The following GNAI1 variants were observed in gnomAD, a reference collection of about 807,000 sequenced individuals.
GNAI1 encodes G protein subunit alpha i1, also known as guanine nucleotide-binding protein G(i) subunit alpha-1.
In GNAI1, 11 loss-of-function variants were observed where a neutral mutation model predicts 38.9. The observed-to-expected ratio is 0.28, with a 90% CI of 0.18 to 0.47. The LOEUF (loss-of-function observed/expected upper bound fraction) is 0.47. Ranked by LOEUF, GNAI1 falls within the 20% of genes least tolerant of loss-of-function variation. The probability of loss-of-function intolerance (pLI) is 0.99; values close to 1 mark genes in which losing one functional copy is unlikely to be tolerated. For missense variants in GNAI1, 317 were observed against 436.9 expected (o/e 0.73, Z 2.45); for synonymous variants, 166 against 145.1 (o/e 1.14, Z -1.04).
intron 1 of GNAI1, among the ~76,000 whole-genome samples, chr7:80,150,763 C>A (rs546630690): frequency 5.2e-4 from 79 of 152,298 alleles, no homozygotes; most frequent in African/African-American, 1.8e-3. Flanking sequence ...TAATTCATCT[C>A]AATTTTGGCA....
chr7:80,189,776 AT>A (rs1274758163), intron 3 of GNAI1, among the ~76,000 whole-genome samples: 1 of 152,096 alleles, frequency 6.6e-6, no homozygotes, highest in Non-Finnish European at 1.5e-5. Context: ...TCAATTCTTT[AT>A]TTTGCCAAGA....
chr7:80,177,320 G>T (rs551846185), intron 1 of GNAI1, among the ~76,000 whole-genome samples: 1 of 152,034 alleles, frequency 6.6e-6, no homozygotes, highest in Admixed American at 6.6e-5. Flanking sequence ...ATGAGCCACC[G>T]CGCCCGGCCA....
At chr7:80,208,704 T>G (rs1788821746) in intron 5 of GNAI1, among the ~76,000 whole-genome samples, 1 of 152,164 alleles carries the variant, frequency 6.6e-6, no homozygotes, top group South Asian at 2.1e-4. Flanking sequence ...GCTTAATAGT[T>G]CATTCCTCAG....
At position 80,192,286 on chromosome 7, in the gene GNAI1, A is replaced by G. The variant is rs188291128; in HGVS notation, c.303+3055A>G. On this transcript the variant is annotated intron_variant, in intron 3 of 7. Coordinates refer to ENST00000649796, the MANE Select transcript of GNAI1 (RefSeq NM_002069.6). The stretch of plus-strand genomic sequence containing the variant: ...GAATGTTTGTAGTTTTATTTTTTAT[A>G]TTTATCTCTGTCTCTTCACACACCT... Among the ~76,000 whole-genome samples, 6 of 152,038 alleles carry G rather than the reference A, an allele frequency of 3.9e-5. No homozygotes were observed. In the East Asian group the frequency reaches 7.7e-4, roughly 20 times the overall value.
In GNAI1 at chr7:80,210,951, C is replaced by G. The variant is rs1462537997; in HGVS notation, c.591-18C>G. On this transcript the variant is annotated intron_variant, in intron 5 of 7. Transcript: ENST00000649796. ...TTGAACATTTAATGTGATGTTAACTCATTTCTCCTCTTAACAGAATGTTTG... is the reference window on the plus strand; with the variant it reads ...TTGAACATTTAATGTGATGTTAACTGATTTCTCCTCTTAACAGAATGTTTG... 1 of 1,608,556 alleles carries G rather than the reference C, an allele frequency of 6.2e-7. No individual in the cohort carries two copies. Among genetic ancestry groups the G allele is most frequent in the East Asian group, 2.2e-5 (1 of 44,842 alleles).
chr7:80,156,492 A>G (rs1787821018), intron 1 of GNAI1, among the ~76,000 whole-genome samples: 1 of 151,634 alleles, frequency 6.6e-6, no homozygotes, highest in Non-Finnish European at 1.5e-5. Flanking sequence ...GCAGCGGTGC[A>G]ACCATAGCTC....
intron 5 of GNAI1, among the ~76,000 whole-genome samples, chr7:80,206,830 T>C (rs1374614073): frequency 6.6e-6 from 1 of 152,044 alleles, no homozygotes; most frequent in Non-Finnish European, 1.5e-5. Flanking sequence ...TTCAGCACAG[T>C]AAGAGACTAA....
chr7:80,167,199 A>G (rs901857616), intron 1 of GNAI1, among the ~76,000 whole-genome samples: 3 of 152,228 alleles, frequency 2.0e-5, no homozygotes, highest in African/African-American at 4.8e-5. Flanking sequence ...TGACTAATGG[A>G]CATCCAGACT....
Position 80,134,976 on chromosome 7 carries a change from G to GC in GNAI1, c.-182dup. ...CAGAGCCTGGTCGTGAGGAACAGCC[G>GC]CCCGTTGCTGTCTGCCCCTTTGCGG... is the stretch of plus-strand genomic sequence containing the variant. On this transcript the variant is annotated 5_prime_UTR_variant, in exon 1 of 8. Transcript: ENST00000649796. 2.5e-6 allele frequency: 1 copy of GC among 405,574 alleles called. No homozygotes were observed. Among genetic ancestry groups the GC allele is most frequent in the Non-Finnish European group, 4.3e-6 (1 of 230,230 alleles). The allele number at this position is 405,574 out of a possible 1,614,324, so 25.1% of individuals were successfully genotyped here.
intron 1 of GNAI1, among the ~76,000 whole-genome samples, chr7:80,149,669 A>G (rs1584008378): frequency 6.6e-6 from 1 of 152,126 alleles, no homozygotes; most frequent in African/African-American, 2.4e-5. Context: ...AATACTTTAC[A>G]TGTTTGTATA....
At chr7:80,169,717 A>G (rs557755356) in intron 1 of GNAI1, among the ~76,000 whole-genome samples, 1 of 152,342 alleles carries the variant, frequency 6.6e-6, no homozygotes, top group East Asian at 1.9e-4. Context: ...TCATTAAAGT[A>G]TATTTCCATA....
chr7:80,192,457 G>A (rs955954668), intron 3 of GNAI1, among the ~76,000 whole-genome samples: 4 of 152,034 alleles, frequency 2.6e-5, no homozygotes, highest in Admixed American at 6.6e-5. Flanking sequence ...ATTAAATTGG[G>A]TGTGTTTCTG....
At chr7:80,185,434 A>G (rs1788370109) in intron 1 of GNAI1, among the ~76,000 whole-genome samples, 1 of 152,170 alleles carries the variant, frequency 6.6e-6, no homozygotes, top group African/African-American at 2.4e-5. Flanking sequence ...GAGGCCATCC[A>G]GTTTAAAGAC....
chr7:80,149,938 G>T (rs543036038), intron 1 of GNAI1, among the ~76,000 whole-genome samples: 1 of 152,224 alleles, frequency 6.6e-6, no homozygotes, highest in Admixed American at 6.5e-5. Context: ...ATTCACGTTA[G>T]CATTGAAAAC....
At chr7:80,211,191 G>A in intron 6 of GNAI1, 93 bp downstream of exon 6, 2 of 1,066,512 alleles carry the variant, frequency 1.9e-6, no homozygotes, top group African/African-American at 1.6e-5. Flanking sequence ...CAATTTGAAA[G>A]TACAGGGTCT....
chr7:80,145,904 C>T (rs1787611647), intron 1 of GNAI1, among the ~76,000 whole-genome samples: 2 of 152,064 alleles, frequency 1.3e-5, no homozygotes, highest in African/African-American at 4.8e-5. Context: ...GCAGCCCTTT[C>T]CTGTAGAGCC....
At chr7:80,215,831 T>C (rs1031779765) in intron 7 of GNAI1, among the ~76,000 whole-genome samples, 18 of 152,152 alleles carry the variant, frequency 1.2e-4, no homozygotes, top group Admixed American at 5.9e-4. Flanking sequence ...GTGCCAATTT[T>C]GAGCAAATGT....
intron 1 of GNAI1, among the ~76,000 whole-genome samples, chr7:80,165,887 G>GT: frequency 6.6e-6 from 1 of 152,026 alleles, no homozygotes; most frequent in Non-Finnish European, 1.5e-5. Flanking sequence ...ATATTATCTC[G>GT]TTTGATCTTT....
At chr7:80,149,530 A>T (rs905085044) in intron 1 of GNAI1, among the ~76,000 whole-genome samples, 4 of 152,056 alleles carry the variant, frequency 2.6e-5, no homozygotes, top group Non-Finnish European at 4.4e-5. Flanking sequence ...CACTAACTTG[A>T]TGGATAACAA....
Sources: gnomAD v4.1 joint callset for allele counts (sites outside exome capture counted in the v4.1 genomes callset) on GRCh38, gnomAD v4.1.1 for gene constraint, MANE v1.5 for transcripts, NCBI Gene and HGNC (gene_info 2026-07-23, HGNC 2026-07-21) for gene names.